Variants in ADAMTS9 observed in about 807,000 individuals in gnomAD.
The protein encoded by ADAMTS9 is ADAM metallopeptidase with thrombospondin type 1 motif 9.
ADAMTS9 carries 107 observed loss-of-function variants against 257.1 expected under a neutral mutation model. The ratio of observed to expected loss-of-function variants is 0.42; its 90% CI spans 0.36 to 0.49. ADAMTS9 has a LOEUF of 0.49. Ranked by LOEUF, ADAMTS9 falls within the 20% of genes least tolerant of loss-of-function variation. The pLI, the probability that ADAMTS9 is intolerant of heterozygous loss-of-function variation, is 0.03. For missense variants in ADAMTS9, 2,353 were observed against 2,469.1 expected (o/e 0.95, Z 1.00); for synonymous variants, 982 against 880.9 (o/e 1.11, Z -2.03).
intron 27 of ADAMTS9, among the ~76,000 whole-genome samples, chr3:64,595,043 T>C (rs913475260): frequency 6.6e-6 from 1 of 151,806 alleles, no homozygotes; most frequent in African/African-American, 2.4e-5. Context: ...CACCTCGGCC[T>C]CCCAACAAAG....
At chr3:64,545,214 T>C (rs183612537) in intron 32 of ADAMTS9, among the ~76,000 whole-genome samples, 2 of 152,154 alleles carry the variant, frequency 1.3e-5, no homozygotes, top group Non-Finnish European at 2.9e-5. Context: ...TCCTCAAGGA[T>C]CTAGAACGAG....
At chr3:64,673,118 C>T (rs1701532932) in intron 3 of ADAMTS9, among the ~76,000 whole-genome samples, 1 of 140,974 alleles carries the variant, frequency 7.1e-6, no homozygotes, top group Non-Finnish European at 1.5e-5. Flanking sequence ...TGTGTCAGTG[C>T]ACTCTGTGAT....
At chr3:64,595,798 T>TC (rs58460648) in intron 27 of ADAMTS9, among the ~76,000 whole-genome samples, 1 of 151,832 alleles carries the variant, frequency 6.6e-6, no homozygotes, top group Non-Finnish European at 1.5e-5. Context: ...TTTGTCTTTT[T>TC]CCCCCCCTTG....
At chr3:64,662,763 C>G (rs1485376493) in intron 3 of ADAMTS9, among the ~76,000 whole-genome samples, 3 of 152,040 alleles carry the variant, frequency 2.0e-5, no homozygotes, top group African/African-American at 7.2e-5. Flanking sequence ...TCTACAGAGA[C>G]AGAAAGTAGA....
At chr3:64,527,665 T>A (rs2082927154) in intron 38 of ADAMTS9, among the ~76,000 whole-genome samples, 1 of 152,226 alleles carries the variant, frequency 6.6e-6, no homozygotes, top group African/African-American at 2.4e-5. Flanking sequence ...GGGTTTTTTT[T>A]TCTGAATATA....
At chr3:64,681,472 T>G (rs1701755134) in intron 2 of ADAMTS9, 109 bp from the exon 3 acceptor site, 1 of 1,196,424 alleles carries the variant, frequency 8.4e-7, no homozygotes, top group South Asian at 1.7e-5. Flanking sequence ...ACCCAATCTC[T>G]TTTTCAGGAG....
At chr3:64,651,314 G>A in intron 8 of ADAMTS9, 151 bp from the exon 9 acceptor site, 1 of 580,264 alleles carries the variant, frequency 1.7e-6, no homozygotes, top group Non-Finnish European at 2.9e-6. Flanking sequence ...TAAAATGTAA[G>A]ACAATTCAAG....
At chr3:64,539,483 T>G (rs924688007) in intron 36 of ADAMTS9, among the ~76,000 whole-genome samples, 189 bp from the exon 37 acceptor site, 1 of 152,186 alleles carries the variant, frequency 6.6e-6, no homozygotes, top group Non-Finnish European at 1.5e-5. Context: ...CTGATTATAT[T>G]TGTGGTTCTG....
At chr3:64,588,695 T>C (rs2084205855) in intron 28 of ADAMTS9, 2 of 152,114 alleles carry the variant, frequency 1.3e-5, no homozygotes, top group Admixed American at 6.5e-5. Context: ...CCCCAACCTG[T>C]GGACTTTTTA....
At chr3:64,523,373 C>T (rs1029231922) in intron 38 of ADAMTS9, among the ~76,000 whole-genome samples, 6 of 152,116 alleles carry the variant, frequency 3.9e-5, no homozygotes, top group African/African-American at 1.2e-4. Context: ...AAGAATTAGA[C>T]TCTATGAAGA....
intron 32 of ADAMTS9, among the ~76,000 whole-genome samples, chr3:64,542,226 C>CAT (rs2083133314): frequency 7.5e-6 from 1 of 132,852 alleles, no homozygotes; most frequent in Non-Finnish European, 1.8e-5. Context: ...ATTTTACACA[C>CAT]ACACACACAC....
At chr3:64,537,363 C>T (rs909853820) in intron 37 of ADAMTS9, among the ~76,000 whole-genome samples, 2 of 152,090 alleles carry the variant, frequency 1.3e-5, no homozygotes, top group Admixed American at 1.3e-4. Flanking sequence ...CAGGACAGGG[C>T]CAATCTGTTA....
At chr3:64,653,004 C>T (rs1011622282) in intron 8 of ADAMTS9, among the ~76,000 whole-genome samples, 1 of 152,184 alleles carries the variant, frequency 6.6e-6, no homozygotes, top group Non-Finnish European at 1.5e-5. Flanking sequence ...AAATTCCTTG[C>T]TTAAACTTGA....
At chr3:64,584,007 G>C (rs752209425) in intron 28 of ADAMTS9, 2 of 121,758 alleles carry the variant, frequency 1.6e-5, no homozygotes, top group African/African-American at 2.6e-5. Flanking sequence ...TGCACCCTGC[G>C]GGGGGCTCGG....
chr3:64,555,226 A>G (rs955403755), intron 30 of ADAMTS9, among the ~76,000 whole-genome samples: 1 of 152,226 alleles, frequency 6.6e-6, no homozygotes, highest in African/African-American at 2.4e-5. Flanking sequence ...GCAACAACGA[A>G]AAAAGCAGTC....
intron 4 of ADAMTS9, among the ~76,000 whole-genome samples, chr3:64,657,284 T>A (rs1212755242): frequency 3.9e-5 from 6 of 152,344 alleles, no homozygotes; most frequent in African/African-American, 1.2e-4. Flanking sequence ...TAATAATTTT[T>A]AAAATAATAT....
Position 64,658,499 on chromosome 3 carries a change from T to G in ADAMTS9, c.969+3A>C. 1 of 1,609,116 alleles carries G rather than the reference T, an allele frequency of 6.2e-7. No individual in the cohort carries two copies. ...TAAATCACCTTCGTTTGAATGTACTTACAATTGACATTAAAGTTAAAATAT... is the reference window on the plus strand; with the variant it reads ...TAAATCACCTTCGTTTGAATGTACTGACAATTGACATTAAAGTTAAAATAT... On this transcript the variant is annotated splice_donor_region_variant and intron_variant, in intron 4 of 39. Transcript: ENST00000498707.
chr3:64,593,059 A>G (rs998682377), intron 28 of ADAMTS9, among the ~76,000 whole-genome samples: 1 of 152,180 alleles, frequency 6.6e-6, no homozygotes, highest in Admixed American at 6.6e-5. Flanking sequence ...TGAACTGACT[A>G]GAGATACAAC....
At chr3:64,571,189 C>A (rs1307524471) in intron 28 of ADAMTS9, among the ~76,000 whole-genome samples, 2 of 152,178 alleles carry the variant, frequency 1.3e-5, no homozygotes, top group Non-Finnish European at 2.9e-5. Flanking sequence ...GGAAAAGGTA[C>A]AACTCTCTCA....
Sources: gnomAD v4.1 joint callset for allele counts (sites outside exome capture counted in the v4.1 genomes callset) on GRCh38, gnomAD v4.1.1 for gene constraint, MANE v1.5 for transcripts, NCBI Gene and HGNC (gene_info 2026-07-23, HGNC 2026-07-21) for gene names.